The following CHMP4B variants were observed in gnomAD, a reference collection of about 807,000 sequenced individuals.
CHMP4B encodes charged multivesicular body protein 4B, also known as SNF7 homolog associated with Alix 1.
CHMP4B carries 1 observed loss-of-function variant against 25.1 expected under a neutral mutation model. The observed-to-expected ratio is 0.04, with a 90% CI of 0.01 to 0.19. The LOEUF is 0.19. Ranked by LOEUF, CHMP4B falls within the 10% of genes least tolerant of loss-of-function variation. The pLI is 1.00. For missense variants in CHMP4B, 151 were observed against 289.7 expected (o/e 0.52, Z 3.48); for synonymous variants, 101 against 115.6 (o/e 0.87, Z 0.81).
At chr20:33,825,188 A>C (rs1979060962) in intron 1 of CHMP4B, among the ~76,000 whole-genome samples, 1 of 152,240 alleles carries the variant, frequency 6.6e-6, no homozygotes, top group African/African-American at 2.4e-5. Context: ...AAAAATATCA[A>C]GAATGGGTGT....
intron 1 of CHMP4B, among the ~76,000 whole-genome samples, chr20:33,831,741 A>ATTTTTTTTT (rs1568607995): frequency 7.9e-5 from 12 of 152,202 alleles, no homozygotes; most frequent in African/African-American, 2.9e-4. Flanking sequence ...TTGTTCTTTA[A>ATTTTTTTTT]TTTTATTATT....
chr20:33,831,599 C>T (rs918147757), intron 1 of CHMP4B, among the ~76,000 whole-genome samples: 1 of 152,064 alleles, frequency 6.6e-6, no homozygotes, highest in African/African-American at 2.4e-5. Context: ...GTCTTGAACT[C>T]GTGGCCTCAA....
intron 2 of CHMP4B, among the ~76,000 whole-genome samples, chr20:33,849,739 C>T (rs1979794128): frequency 6.6e-6 from 1 of 152,152 alleles, no homozygotes; most frequent in South Asian, 2.1e-4. Context: ...TGGGAAAATG[C>T]ACCCTATGGG....
At chr20:33,818,946 G>A (rs1348420958) in intron 1 of CHMP4B, among the ~76,000 whole-genome samples, 1 of 151,660 alleles carries the variant, frequency 6.6e-6, no homozygotes, top group Non-Finnish European at 1.5e-5. Context: ...GTTTTGCTCT[G>A]TTGCCCAGGC....
chr20:33,851,993 C>T (rs1979864225), intron 3 of CHMP4B, 84 bp from the exon 4 acceptor site: 2 of 1,576,022 alleles, frequency 1.3e-6, no homozygotes, highest in Middle Eastern at 2.3e-4. Context: ...TGTGTGTCTC[C>T]ATGAGCATTA....
intron 1 of CHMP4B, among the ~76,000 whole-genome samples, chr20:33,828,933 G>C (rs1979167584): frequency 7.1e-6 from 1 of 141,424 alleles, no homozygotes; most frequent in Admixed American, 6.8e-5. Context: ...TCTAGGACTT[G>C]AGAAGAGAAC....
At chr20:33,844,291 C>A (rs1439389976) in intron 1 of CHMP4B, among the ~76,000 whole-genome samples, 1 of 152,118 alleles carries the variant, frequency 6.6e-6, no homozygotes, top group African/African-American at 2.4e-5. Context: ...ATGGGTGGAT[C>A]CCCCATGAAG....
At chr20:33,848,762 G>C in intron 2 of CHMP4B, 118 bp downstream of exon 2, 1 of 1,071,942 alleles carries the variant, frequency 9.3e-7, no homozygotes, top group Non-Finnish European at 1.4e-6. Context: ...ACCTGAGTTT[G>C]TTTTAATTCT....
chr20:33,825,454 T>C (rs1405337360), intron 1 of CHMP4B, among the ~76,000 whole-genome samples: 1 of 151,954 alleles, frequency 6.6e-6, no homozygotes, highest in African/African-American at 2.4e-5. Context: ...AGTCCATAGG[T>C]TGGGAACTGA....
chr20:33,853,672 G>C lies in CHMP4B; in HGVS notation c.*112G>C. 1.2e-6 allele frequency: 1 copy of C among 803,016 alleles called. No individual in the cohort carries two copies. The highest frequency in any genetic ancestry group is 2.0e-6 in the Non-Finnish European group (1 of 493,958). The allele number at this position is 803,016 out of a possible 1,614,324, so 49.7% of individuals were successfully genotyped here. On this transcript the variant is annotated 3_prime_UTR_variant, in exon 5 of 5. Transcript: ENST00000217402. ...GGTGCAGGCAGGTTCCATCGCTTTC[G>C]ACTCTCACTCCAAAGCAGTAGGGCC...
chr20:33,837,597 C>T (rs2103804), intron 1 of CHMP4B, among the ~76,000 whole-genome samples: 73,529 of 151,950 alleles, frequency 0.48, 18,654 homozygotes, highest in East Asian at 0.9. Flanking sequence ...TGTTCACATT[C>T]TAACTATAGT....
intron 1 of CHMP4B, among the ~76,000 whole-genome samples, chr20:33,820,288 A>G (rs1214134562): frequency 6.6e-6 from 1 of 152,184 alleles, no homozygotes; most frequent in Non-Finnish European, 1.5e-5. Context: ...ATGCCCATCA[A>G]AGTTTGAGAG....
chr20:33,836,042 A>G (rs1979383879), intron 1 of CHMP4B, among the ~76,000 whole-genome samples: 1 of 152,218 alleles, frequency 6.6e-6, no homozygotes, highest in Admixed American at 6.5e-5. Context: ...GGCAGGGTCA[A>G]ACAAACCGTA....
At position 33,851,028 on chromosome 20, in the gene CHMP4B, A is replaced by G; in HGVS notation, c.445A>G (p.Ile149Val). ...QELAEEISTA[I>V]SKPVGFGEEF... ...ACTTGCAGAGGAGATTTCAACAGCA[A>G]TTTCGAAACCTGTAGGGTTTGGAGA... The change falls in exon 3 of 5, where the codon ATT becomes GTT. Residue 149 changes from isoleucine to valine, a missense_variant. Coordinates refer to ENST00000217402, the MANE Select transcript of CHMP4B (RefSeq NM_176812.5). The G allele has an allele frequency of 2.5e-6, 4 of 1,613,924 alleles. No homozygotes were observed. Among genetic ancestry groups the G allele is most frequent in the Non-Finnish European group, 3.4e-6 (4 of 1,179,746 alleles).
At chr20:33,821,859 C>G (rs910767833) in intron 1 of CHMP4B, among the ~76,000 whole-genome samples, 1 of 152,132 alleles carries the variant, frequency 6.6e-6, no homozygotes, top group Non-Finnish European at 1.5e-5. Context: ...TGCTGTCGCC[C>G]AGGCTGGAGT....
intron 1 of CHMP4B, among the ~76,000 whole-genome samples, chr20:33,818,133 A>T (rs1978832477): frequency 6.6e-6 from 1 of 152,224 alleles, no homozygotes; most frequent in African/African-American, 2.4e-5. Context: ...AATGCCTGGC[A>T]AATAGGCGAG....
chr20:33,840,877 T>C (rs923850787), intron 1 of CHMP4B, among the ~76,000 whole-genome samples: 1 of 152,178 alleles, frequency 6.6e-6, no homozygotes, highest in African/African-American at 2.4e-5. Flanking sequence ...GAGGTGCGTG[T>C]TGTTATCATG....
At chr20:33,812,170 A>G (rs1307839990) in intron 1 of CHMP4B, among the ~76,000 whole-genome samples, 1 of 152,140 alleles carries the variant, frequency 6.6e-6, no homozygotes, top group Non-Finnish European at 1.5e-5. Context: ...CTGGAGAGAA[A>G]AGGGGACTGG....
intron 1 of CHMP4B, among the ~76,000 whole-genome samples, chr20:33,846,515 T>C (rs1283183752): frequency 6.6e-6 from 1 of 152,180 alleles, no homozygotes; most frequent in Non-Finnish European, 1.5e-5. Context: ...TCTTTATGTG[T>C]GTATGTATGT....
Sources: gnomAD v4.1 joint callset for allele counts (sites outside exome capture counted in the v4.1 genomes callset) on GRCh38, gnomAD v4.1.1 for gene constraint, MANE v1.5 for transcripts, NCBI Gene and HGNC (gene_info 2026-07-23, HGNC 2026-07-21) for gene names.